TRAPPC12: variants seen among roughly 807,000 people sequenced by gnomAD.
The protein encoded by TRAPPC12 is TPR repeat protein 15.
Under a neutral mutation model 69.2 loss-of-function variants are expected in TRAPPC12, and 61 were observed. The observed-to-expected ratio is 0.88, with a 90% CI of 0.72 to 1.09. The LOEUF is 1.09. Ranked by LOEUF, TRAPPC12 falls within the 50% of genes least tolerant of loss-of-function variation. The pLI, the probability that TRAPPC12 is intolerant of heterozygous loss-of-function variation, is 0.00. For missense variants in TRAPPC12, 1,101 were observed against 1,016.4 expected (o/e 1.08, Z -1.13); for synonymous variants, 469 against 438.9 (o/e 1.07, Z -0.86).
chr2:3,388,124 G>A lies in TRAPPC12; in HGVS notation c.501G>A (p.Ala167=). The A allele has an allele frequency of 6.3e-7, 1 of 1,586,128 alleles. No homozygotes were observed. The change falls in exon 2 of 12, where the codon GCG becomes GCA. Residue 167 remains alanine, a synonymous_variant. Transcript: ENST00000324266. ...TGTGCACCATCTTCAGCCAGCGCGC[G>A]CCCCCAGCCTCCGGGGACGGCTTCG... is the stretch of plus-strand genomic sequence containing the variant. The part of the protein sequence containing the change: ...VPVCTIFSQR[A]PPASGDGFEP...
At chr2:3,474,407 C>T (rs1666201697) in intron 9 of TRAPPC12, among the ~76,000 whole-genome samples, 1 of 152,178 alleles carries the variant, frequency 6.6e-6, no homozygotes, top group African/African-American at 2.4e-5. Context: ...TCGGCCTCCC[C>T]CAGCCCACTG....
chr2:3,479,323 C>T lies in TRAPPC12; in HGVS notation c.2070C>T (p.His690=), dbSNP rs1247865544. ...MVQQDPRHYL[H]ESVLFNLTTM... Reference sequence around the variant, plus strand: ...AGCAGGACCCCAGGCACTACCTGCACGAGAGCGTGCTCTTCAACCTGACCA... The same window carrying T: ...AGCAGGACCCCAGGCACTACCTGCATGAGAGCGTGCTCTTCAACCTGACCA... The change falls in exon 12 of 12, where the codon CAC becomes CAT. Residue 690 remains histidine (H), a synonymous_variant. Transcript: ENST00000324266. The T allele has an allele frequency of 1.1e-5, 18 of 1,614,080 alleles. No individual in the cohort carries two copies. The highest frequency in any genetic ancestry group is 1.6e-4 in the Middle Eastern group (1 of 6,084).
At chr2:3,410,935 CAGG>C (rs1191970022) in intron 3 of TRAPPC12, among the ~76,000 whole-genome samples, 2 of 152,176 alleles carry the variant, frequency 1.3e-5, no homozygotes, top group African/African-American at 4.8e-5. Context: ...GAGGCTGAGG[CAGG>C]AGAATGGCTT....
intron 6 of TRAPPC12, chr2:3,455,472 T>G (rs201881855): frequency 1.4e-5 from 2 of 148,134 alleles, no homozygotes; most frequent in Admixed American, 6.8e-5. Flanking sequence ...ATTTTTTTTT[T>G]GTACCCATTA....
intron 10 of TRAPPC12, chr2:3,478,637 A>G (rs1666404392): frequency 1.6e-5 from 8 of 515,434 alleles, no homozygotes; most frequent in Non-Finnish European, 2.1e-5. Flanking sequence ...TCCATCTAAA[A>G]AATAAAAATA....
intron 6 of TRAPPC12, among the ~76,000 whole-genome samples, chr2:3,447,614 C>T (rs1020192558): frequency 1.8e-4 from 27 of 152,306 alleles, no homozygotes; most frequent in African/African-American, 6.5e-4. Context: ...CACCCCCCAC[C>T]AGGCCCCACC....
At chr2:3,423,028 C>T (rs1662899565) in intron 4 of TRAPPC12, among the ~76,000 whole-genome samples, 1 of 152,234 alleles carries the variant, frequency 6.6e-6, no homozygotes. Context: ...TCACTTGGGC[C>T]TGGGGCTTCT....
At chr2:3,401,921 G>A in intron 3 of TRAPPC12, 28 bp downstream of exon 3, 1 of 1,461,394 alleles carries the variant, frequency 6.8e-7, no homozygotes, top group Non-Finnish European at 9.3e-7. Context: ...TGATTTCAGT[G>A]TTGTTTTGTG....
chr2:3,403,413 T>TA (rs1436195989), intron 3 of TRAPPC12, among the ~76,000 whole-genome samples: 2 of 152,092 alleles, frequency 1.3e-5, no homozygotes, highest in Non-Finnish European at 2.9e-5. Flanking sequence ...TTTGTATTTT[T>TA]AGTAGAGACA....
chr2:3,464,632 C>T (rs983474654), intron 8 of TRAPPC12, among the ~76,000 whole-genome samples: 1 of 152,242 alleles, frequency 6.6e-6, no homozygotes, highest in African/African-American at 2.4e-5. Flanking sequence ...GGGCCTGCCG[C>T]ACACAGCTCG....
intron 3 of TRAPPC12, among the ~76,000 whole-genome samples, chr2:3,417,624 G>T (rs1428251972): frequency 6.6e-6 from 1 of 152,256 alleles, no homozygotes; most frequent in South Asian, 2.1e-4. Context: ...CTGGTTCACA[G>T]CAGGCAGTCA....
At chr2:3,457,751 C>T (rs1572190884) in intron 7 of TRAPPC12, 58 bp downstream of exon 7, 1 of 1,593,464 alleles carries the variant, frequency 6.3e-7, no homozygotes, top group Non-Finnish European at 8.5e-7. Context: ...ACAGACTGAG[C>T]CCAAAGCCTC....
intron 2 of TRAPPC12, among the ~76,000 whole-genome samples, chr2:3,399,509 T>G (rs1661304382): frequency 6.6e-6 from 1 of 151,992 alleles, no homozygotes; most frequent in Non-Finnish European, 1.5e-5. Context: ...CCCCTAGGTC[T>G]TTTCCTCAAT....
chr2:3,468,713 A>C (rs1167146872), intron 9 of TRAPPC12, among the ~76,000 whole-genome samples: 2 of 152,180 alleles, frequency 1.3e-5, no homozygotes, highest in Admixed American at 6.5e-5. Flanking sequence ...ACTCCAGTGC[A>C]CACGTGGGCA....
intron 5 of TRAPPC12, 81 bp from the exon 6 acceptor site, chr2:3,443,698 G>A (rs745732902): frequency 1.2e-5 from 12 of 1,021,140 alleles, no homozygotes; most frequent in African/African-American, 7.9e-5. Flanking sequence ...GGACATCTGC[G>A]ACGCCTCCTT....
intron 6 of TRAPPC12, among the ~76,000 whole-genome samples, chr2:3,448,935 G>C (rs1372622484): frequency 1.3e-5 from 2 of 152,194 alleles, no homozygotes; most frequent in Admixed American, 1.3e-4. Flanking sequence ...GTGTGTTTTA[G>C]ATTAGAACAG....
chr2:3,382,425 G>A (rs940533795), intron 1 of TRAPPC12, among the ~76,000 whole-genome samples: 6 of 151,424 alleles, frequency 4.0e-5, no homozygotes, highest in Non-Finnish European at 8.8e-5. Context: ...GAGCCACCAC[G>A]CCCAGCCTAC....
At position 3,479,228 on chromosome 2, in the gene TRAPPC12, A is replaced by T; in HGVS notation, c.1975A>T (p.Asn659Tyr). 6.2e-7 allele frequency: 1 copy of T among 1,613,422 alleles called. No homozygotes were observed. Among genetic ancestry groups the T allele is most frequent in the Non-Finnish European group, 8.5e-7 (1 of 1,179,552 alleles). ...GTGTGCTCCTCCCTAGGCCAACAAC[A>T]ACGCTGCCGTGTGTCTGCTCTACCT... ...MDPRNAVANN[N>Y]AAVCLLYLGK... The change falls in exon 12 of 12, where the codon AAC becomes TAC. Residue 659 changes from asparagine (N) to tyrosine (Y), a missense_variant. Coordinates refer to ENST00000324266, the MANE Select transcript of TRAPPC12 (RefSeq NM_016030.6).
In TRAPPC12 at chr2:3,395,662, A is replaced by G. The variant is rs904833552; in HGVS notation, c.1048-6115A>G. 3.4e-5 allele frequency among the ~76,000 whole-genome samples: 5 copies of G among 147,388 alleles called. No homozygotes were observed. The East Asian group carries it at 1.0e-3, about 30-fold the overall frequency. On this transcript the variant is annotated intron_variant, in intron 2 of 11. Coordinates refer to ENST00000324266, the MANE Select transcript of TRAPPC12 (RefSeq NM_016030.6). ...ACTGCAACCTCCGCCTCCCAGGTTT[A>G]AGTGATTCTCATGCCTCACCCTCCA...
Sources: gnomAD v4.1 joint callset for allele counts (sites outside exome capture counted in the v4.1 genomes callset) on GRCh38, gnomAD v4.1.1 for gene constraint, MANE v1.5 for transcripts, NCBI Gene and HGNC (gene_info 2026-07-23, HGNC 2026-07-21) for gene names.